CACNA1H: variants seen among roughly 807,000 people sequenced by gnomAD.
CACNA1H encodes the protein voltage-dependent T-type calcium channel subunit alpha-1H.
In CACNA1H, 149 loss-of-function variants were observed where a neutral mutation model predicts 192.5. The ratio of observed to expected loss-of-function variants is 0.77; its 90% CI spans 0.68 to 0.89. CACNA1H has a LOEUF of 0.89. CACNA1H is among the 40% of genes least tolerant of loss of function. CACNA1H has a pLI of 0.00. For missense variants in CACNA1H, 4,257 were observed against 3,423.5 expected, an observed-to-expected ratio of 1.24 and a Z score of -6.08; for synonymous variants, 2,202 against 1,475.2, an observed-to-expected ratio of 1.49 and a Z score of -11.29.
intron 2 of CACNA1H, among the ~76,000 whole-genome samples, chr16:1,187,710 A>G (rs1460664486): frequency 6.6e-6 from 1 of 152,150 alleles, no homozygotes; most frequent in African/African-American, 2.4e-5. Context: ...CACTCTGACC[A>G]TAGAGGAGGA....
intron 2 of CACNA1H, among the ~76,000 whole-genome samples, chr16:1,189,418 T>A: frequency 8.7e-6 from 1 of 115,394 alleles, no homozygotes; most frequent in African/African-American, 4.8e-5. Flanking sequence ...TTTTTTTTTT[T>A]TTTTTTTTTT....
intron 2 of CACNA1H, among the ~76,000 whole-genome samples, chr16:1,163,582 C>T (rs1200905589): frequency 1.3e-5 from 2 of 152,274 alleles, no homozygotes; most frequent in Non-Finnish European, 2.9e-5. Flanking sequence ...CGGTCCCTGC[C>T]CTGGTCTTTG....
intron 2 of CACNA1H, chr16:1,159,575 T>G (rs1465897360): frequency 1.3e-5 from 2 of 151,756 alleles, no homozygotes; most frequent in African/African-American, 4.9e-5. Flanking sequence ...CAGCAGGTGG[T>G]GGGCTGGCCT....
intron 8 of CACNA1H, among the ~76,000 whole-genome samples, 168 bp downstream of exon 8, chr16:1,200,976 C>T (rs1460992408): frequency 1.3e-5 from 2 of 151,976 alleles, no homozygotes; most frequent in South Asian, 2.1e-4. Context: ...GGCTGGGGAC[C>T]CCAAGAGGCC....
In CACNA1H at chr16:1,195,032, C is replaced by G; in HGVS notation, c.360C>G (p.Phe120Leu). ...TCAACTGCGTGACCCTGGGCATGTTCCGGCCCTGTGAGGACGTTGAGTGCG... is the reference window on the plus strand; with the variant it reads ...TCAACTGCGTGACCCTGGGCATGTTGCGGCCCTGTGAGGACGTTGAGTGCG... Reference protein sequence around the residue: ...IMLNCVTLGMFRPCEDVECGS... With the variant: ...IMLNCVTLGMLRPCEDVECGS... The change falls in exon 3 of 35, where the codon TTC (phenylalanine) becomes TTG (leucine). Residue 120 changes from phenylalanine to leucine, a missense_variant. Phe to Leu is a conservative substitution (Grantham distance 22). Coordinates refer to ENST00000348261, the MANE Select transcript of CACNA1H (RefSeq NM_021098.3). 1.2e-6 allele frequency: 2 copies of G among 1,611,794 alleles called. No individual in the cohort carries two copies. Among genetic ancestry groups the G allele is most frequent in the Non-Finnish European group, 1.7e-6 (2 of 1,179,186 alleles).
In CACNA1H at chr16:1,199,731, CCCCTGAGCCCACACCCCGGGGTT is replaced by C. The variant is rs1243939782; in HGVS notation, c.804-519_804-497del. 4.0e-5 allele frequency among the ~76,000 whole-genome samples: 6 copies of C among 150,354 alleles called. No individual in the cohort carries two copies. The South Asian group carries it at 1.1e-3, about 27-fold the overall frequency. Reference sequence around the variant, plus strand: ...CTCCCCTCAGCCTTCACCCCAGGGTCCCCTGAGCCCACACCCCGGGGTTCCCTGCCCTCAGCCCTCACCCCTGG... The same window carrying C: ...CTCCCCTCAGCCTTCACCCCAGGGTCCCCTGCCCTCAGCCCTCACCCCTGG... On this transcript the variant is annotated intron_variant, in intron 6 of 34. Transcript: ENST00000348261.
At chr16:1,183,854 C>T (rs1044327358) in intron 2 of CACNA1H, among the ~76,000 whole-genome samples, 1 of 152,252 alleles carries the variant, frequency 6.6e-6, no homozygotes, top group Non-Finnish European at 1.5e-5. Context: ...AGTCTGCAAA[C>T]ATCTGGCTCC....
intron 10 of CACNA1H, among the ~76,000 whole-genome samples, chr16:1,204,797 A>C: frequency 8.9e-6 from 1 of 111,750 alleles, no homozygotes; most frequent in East Asian, 3.2e-4. Context: ...GCCCCAGATC[A>C]GTGCCGGGGA....
rs144844957 is a variant in CACNA1H at position 1,164,212 on chromosome 16, G to C, written c.299+10176G>C. 1.5e-4 allele frequency among the ~76,000 whole-genome samples: 23 copies of C among 152,370 alleles called. No homozygotes were observed. The East Asian group carries it at 4.4e-3, about 29-fold the overall frequency. ...ATTTCAGTTAAGTAAGAATGTCTTAGGGTGAGGGGTGTCCATGCATGTTTG... is the reference window on the plus strand; with the variant it reads ...ATTTCAGTTAAGTAAGAATGTCTTACGGTGAGGGGTGTCCATGCATGTTTG... On this transcript the variant is annotated intron_variant, in intron 2 of 34. Transcript: ENST00000348261.
chr16:1,187,735 G>A (rs1567479808), intron 2 of CACNA1H, among the ~76,000 whole-genome samples: 3 of 152,172 alleles, frequency 2.0e-5, no homozygotes, highest in Non-Finnish European at 1.5e-5. Flanking sequence ...GGCAGCAGCC[G>A]CACCTGGAGA....
In CACNA1H at chr16:1,221,669, A is replaced by C; in HGVS notation, c.*675A>C. The C allele has an allele frequency of 9.1e-7, 1 of 1,102,850 alleles. No individual in the cohort carries two copies. Among genetic ancestry groups the C allele is most frequent in the Admixed American group, 3.0e-5 (1 of 33,660 alleles). The allele number at this position is 1,102,850 out of a possible 1,614,324, so 68.3% of individuals were successfully genotyped here. A position where few individuals can be genotyped will look rare whatever the true frequency, so the allele number is the denominator to read the frequency against. ...TGACACCTTTGTTTCGTGTGCTTTTAAATTCAGGTTAAATGTTGCAATAAT... is the reference window on the plus strand; with the variant it reads ...TGACACCTTTGTTTCGTGTGCTTTTCAATTCAGGTTAAATGTTGCAATAAT... On this transcript the variant is annotated 3_prime_UTR_variant, in exon 35 of 35. Coordinates refer to ENST00000348261, the MANE Select transcript of CACNA1H (RefSeq NM_021098.3).
At position 1,178,037 on chromosome 16, in the gene CACNA1H, A is replaced by C. The variant is rs1333057694; in HGVS notation, c.300-16935A>C. ...CCCACTCCCTCTCCCTGGGGACCCC[A>C]TGGTCCCTCCCCCACCCCGGAACCC... On this transcript the variant is annotated intron_variant, in intron 2 of 34. Coordinates refer to ENST00000348261, the MANE Select transcript of CACNA1H (RefSeq NM_021098.3). Among the ~76,000 whole-genome samples, 59 of 12,616 alleles carry C rather than the reference A, an allele frequency of 4.7e-3. 1 individual carries two copies. Among genetic ancestry groups the C allele is most frequent in the African/African-American group, 0.021 (55 of 2,638 alleles). 8.3% of individuals were successfully genotyped at this position (12,616 alleles called of 152,430 possible).
rs372465474 is a variant in CACNA1H, at chr16:1,212,038, C to T, written c.4659C>T (p.Val1553=). The T allele has an allele frequency of 1.6e-5, 26 of 1,613,260 alleles. No individual in the cohort carries two copies. The African/African-American group carries it at 2.0e-4, about 12-fold the overall frequency. ...TCGTGCTCAACATGTTCGTGGGCGT[C>T]GTGGTCGAGAACTTCCACAAGTGCC... ...SFFVLNMFVG[V]VVENFHKCRQ... is the part of the protein sequence containing the mutation. The change falls in exon 25 of 35, where the codon GTC becomes GTT. Residue 1553 remains valine (V), a synonymous_variant. Transcript: ENST00000348261.
chr16:1,156,153 C>T (rs1448616241), intron 2 of CACNA1H, among the ~76,000 whole-genome samples: 1 of 152,224 alleles, frequency 6.6e-6, no homozygotes, highest in East Asian at 1.9e-4. Context: ...ACCCCCCACC[C>T]TCCTCGCCGC....
Position 1,221,143 on chromosome 16 carries a change from C to G in CACNA1H, c.*149C>G. 1 of 610,394 alleles carries G rather than the reference C, an allele frequency of 1.6e-6. No individual in the cohort carries two copies. The highest frequency in any genetic ancestry group is 2.8e-6 in the Non-Finnish European group (1 of 362,142). The allele number at this position is 610,394 out of a possible 1,614,324, so 37.8% of individuals were successfully genotyped here. ...GAGGATGACGGCCCAGGCCCTGGTT[C>G]TCTGCCCAGCGAAGCAGGAGTAGCT... is the stretch of plus-strand genomic sequence containing the variant. On this transcript the variant is annotated 3_prime_UTR_variant, in exon 35 of 35. Transcript: ENST00000348261.
At chr16:1,172,463 C>T (rs1417215448) in intron 2 of CACNA1H, among the ~76,000 whole-genome samples, 3 of 151,300 alleles carry the variant, frequency 2.0e-5, no homozygotes, top group Non-Finnish European at 4.4e-5. Context: ...GGCCCGCCTC[C>T]GTCTGGGGTG....
chr16:1,195,361 C>CG (rs1966869053), intron 3 of CACNA1H, 71 bp from the exon 4 acceptor site: 1 of 1,399,758 alleles, frequency 7.1e-7, no homozygotes, highest in Non-Finnish European at 9.4e-7. Context: ...CGGGCTCTTG[C>CG]GGGGCTGGGG....
At chr16:1,205,642 C>T (rs566463378) in intron 11 of CACNA1H, among the ~76,000 whole-genome samples, 1 of 152,324 alleles carries the variant, frequency 6.6e-6, no homozygotes, top group Non-Finnish European at 1.5e-5. Context: ...GGAGCATTTG[C>T]TACAAGAAAA....
intron 2 of CACNA1H, among the ~76,000 whole-genome samples, chr16:1,169,954 C>T (rs1396110193): frequency 1.3e-5 from 2 of 152,232 alleles, no homozygotes; most frequent in South Asian, 2.1e-4. Context: ...TGAAATATGG[C>T]CTGCCCACGG....
Sources: allele counts gnomAD v4.1 joint callset (sites outside exome capture counted in the v4.1 genomes callset), GRCh38; gene constraint gnomAD v4.1.1; transcripts MANE v1.5; gene names NCBI Gene and HGNC (gene_info 2026-07-23, HGNC 2026-07-21).